Variants in PSPC1 observed in about 807,000 individuals in gnomAD.
PSPC1 encodes the protein paraspeckle component 1, also known as paraspeckle protein 1.
Under a neutral mutation model 51.6 loss-of-function variants are expected in PSPC1, and 14 were observed. That is an observed-to-expected ratio of 0.27 (90% CI 0.18 to 0.42). PSPC1 has a LOEUF of 0.42. Ranked by LOEUF, PSPC1 falls within the 10% of genes least tolerant of loss-of-function variation. The pLI is 1.00. For synonymous variants in PSPC1, 193 were observed against 231.9 expected (o/e 0.83, Z 1.53); for missense variants, 406 against 701.1 (o/e 0.58, Z 4.75).
intron 1 of PSPC1, among the ~76,000 whole-genome samples, chr13:19,774,647 T>C (rs1026652213): frequency 6.6e-6 from 1 of 150,858 alleles, no homozygotes; most frequent in Non-Finnish European, 1.5e-5. Context: ...TATCAAAAAA[T>C]ACAAAAATTA....
chr13:19,696,885 T>C (rs1879327683), intron 6 of PSPC1, among the ~76,000 whole-genome samples: 1 of 152,232 alleles, frequency 6.6e-6, no homozygotes, highest in South Asian at 2.1e-4. Context: ...CCCTCTTCAT[T>C]TGAATTAACT....
chr13:19,707,679 T>A (rs1880876514), intron 7 of PSPC1, among the ~76,000 whole-genome samples: 1 of 152,170 alleles, frequency 6.6e-6, no homozygotes, highest in Admixed American at 6.5e-5. Context: ...TATCTTCAAT[T>A]CCTAACTAAA....
chr13:19,697,445 T>C (rs1204262980), intron 6 of PSPC1, among the ~76,000 whole-genome samples: 2 of 152,202 alleles, frequency 1.3e-5, no homozygotes, highest in Non-Finnish European at 2.9e-5. Flanking sequence ...CCTTGATACA[T>C]GCTGTTACAA....
At chr13:19,709,354 T>A (rs1292509833) in intron 7 of PSPC1, among the ~76,000 whole-genome samples, 188 bp downstream of exon 7, 1 of 152,080 alleles carries the variant, frequency 6.6e-6, no homozygotes, top group African/African-American at 2.4e-5. Context: ...AAAATGAGAA[T>A]TTTCTTCCCA....
At chr13:19,716,019 A>C (rs1882051262) in intron 6 of PSPC1, among the ~76,000 whole-genome samples, 1 of 150,522 alleles carries the variant, frequency 6.6e-6, no homozygotes, top group South Asian at 2.1e-4. Context: ...GTCTCAAAAA[A>C]ATAAAAAATA....
chr13:19,706,390 C>CT (rs1247432207), intron 7 of PSPC1, among the ~76,000 whole-genome samples: 2 of 151,114 alleles, frequency 1.3e-5, no homozygotes, highest in African/African-American at 4.9e-5. Flanking sequence ...ATAAGGTACT[C>CT]TTTTTTTAAC....
intron 7 of PSPC1, among the ~76,000 whole-genome samples, chr13:19,706,826 C>G (rs907914157): frequency 6.6e-6 from 1 of 152,090 alleles, no homozygotes; most frequent in African/African-American, 2.4e-5. Context: ...CATTATAATG[C>G]AGCTGAAATC....
chr13:19,746,758 AT>A (rs1193155823), intron 4 of PSPC1, among the ~76,000 whole-genome samples: 1 of 152,096 alleles, frequency 6.6e-6, no homozygotes, highest in Non-Finnish European at 1.5e-5. Flanking sequence ...CTAAATAATT[AT>A]CAGTAAAGTA....
chr13:19,777,157 CACACCTGT>C lies in PSPC1; in HGVS notation c.373-4622_373-4615del, dbSNP rs1166443865. On this transcript the variant is annotated intron_variant, in intron 1 of 8. Transcript: ENST00000338910. ...AAAAAAGAGGCCAGGCACAGTGGCT[CACACCTGT>C]ACACCTGTAATCCCAGCACTTTGGG... 5.1e-5 allele frequency among the ~76,000 whole-genome samples: 7 copies of C among 137,480 alleles called. No individual in the cohort carries two copies. The East Asian group carries it at 9.0e-4, about 18-fold the overall frequency. 90.2% of individuals were successfully genotyped at this position (137,480 alleles called of 152,430 possible). A position where few individuals can be genotyped will look rare whatever the true frequency, so the allele number is the denominator to read the frequency against.
chr13:19,696,209 G>C (rs929631734), intron 6 of PSPC1, among the ~76,000 whole-genome samples: 1 of 152,180 alleles, frequency 6.6e-6, no homozygotes, highest in Admixed American at 6.5e-5. Flanking sequence ...TTGGGAAGCA[G>C]AGTCAGAGAG....
At chr13:19,769,266 C>T (rs1043001797) in intron 2 of PSPC1, among the ~76,000 whole-genome samples, 2 of 151,176 alleles carry the variant, frequency 1.3e-5, no homozygotes, top group Non-Finnish European at 2.9e-5. Context: ...GTAGAAACCC[C>T]GTCTAACGGC....
intron 1 of PSPC1, among the ~76,000 whole-genome samples, chr13:19,778,495 C>A (rs1223442727): frequency 7.0e-6 from 1 of 142,172 alleles, no homozygotes. Flanking sequence ...GATTCTCCTG[C>A]CTCAGTCTGC....
chr13:19,772,121 A>G (rs1339351293), intron 2 of PSPC1, 121 bp downstream of exon 2: 46 of 1,080,668 alleles, frequency 4.3e-5, no homozygotes, highest in Non-Finnish European at 6.0e-5. Flanking sequence ...TATTCACTGA[A>G]TATTTACTCA....
chr13:19,720,610 T>TA (rs1882647900), intron 6 of PSPC1, among the ~76,000 whole-genome samples: 1 of 152,202 alleles, frequency 6.6e-6, no homozygotes, highest in Admixed American at 6.5e-5. Context: ...ATTTAAGTGG[T>TA]ACCAAAATAA....
At chr13:19,697,853 G>C (rs1232335502), downstream of PSPC1, among the ~76,000 whole-genome samples, 1 of 152,018 alleles carries the variant, frequency 6.6e-6, no homozygotes, top group Admixed American at 6.6e-5. Flanking sequence ...AAAATATCCT[G>C]AGGAAAAGTT....
intron 2 of PSPC1, among the ~76,000 whole-genome samples, chr13:19,763,619 A>G (rs1001746871): frequency 5.9e-5 from 9 of 152,312 alleles, no homozygotes; most frequent in East Asian, 1.9e-4. Context: ...GTAAAATGGG[A>G]TATCAGTGCA....
chr13:19,757,596 C>A (rs1401703728), intron 3 of PSPC1, among the ~76,000 whole-genome samples: 2 of 152,144 alleles, frequency 1.3e-5, no homozygotes, highest in Non-Finnish European at 2.9e-5. Context: ...AATATCCTCT[C>A]CATAGGACAT....
At chr13:19,766,004 A>G (rs1888033149) in intron 2 of PSPC1, among the ~76,000 whole-genome samples, 1 of 152,206 alleles carries the variant, frequency 6.6e-6, no homozygotes, top group Non-Finnish European at 1.5e-5. Context: ...TCAAATATAA[A>G]TATAAAATAG....
chr13:19,759,791 G>A (rs959415163), intron 2 of PSPC1, among the ~76,000 whole-genome samples: 1 of 151,650 alleles, frequency 6.6e-6, no homozygotes, highest in Admixed American at 6.6e-5. Context: ...GAACCCCAGA[G>A]GCAGAGGTTG....
Sources: gnomAD v4.1 joint callset for allele counts (sites outside exome capture counted in the v4.1 genomes callset) on GRCh38, gnomAD v4.1.1 for gene constraint, MANE v1.5 for transcripts, NCBI Gene and HGNC (gene_info 2026-07-23, HGNC 2026-07-21) for gene names.